The following UTRN variants were observed in gnomAD, a reference collection of about 807,000 sequenced individuals.
The protein encoded by UTRN is dystrophin-related protein 1.
In UTRN, 283 loss-of-function variants were observed where a neutral mutation model predicts 463.9. The observed-to-expected ratio is 0.61, with a 90% CI of 0.55 to 0.67. The LOEUF (loss-of-function observed/expected upper bound fraction) is 0.67, where lower values mean the gene tolerates loss of function less well. Among genes scored for constraint, UTRN ranks in the 30% least tolerant of loss-of-function variants. The pLI is 0.00. For missense variants in UTRN, 3,922 were observed against 4,084.3 expected, an observed-to-expected ratio of 0.96 and a Z score of 1.08; for synonymous variants, 1,442 against 1,431.5, an observed-to-expected ratio of 1.01 and a Z score of -0.17.
At chr6:144,833,713 T>C (rs116900442) in intron 69 of UTRN, among the ~76,000 whole-genome samples, 1,822 of 152,320 alleles carry the variant, frequency 0.012, 18 homozygotes, top group Admixed American at 0.018. Context: ...ATGAACTTGG[T>C]GAGGTGCCTC....
At chr6:144,790,534 T>C (rs1454277797) in intron 62 of UTRN, among the ~76,000 whole-genome samples, 1 of 152,188 alleles carries the variant, frequency 6.6e-6, no homozygotes, top group Non-Finnish European at 1.5e-5. Context: ...TGAAAAGAAA[T>C]GTGGATTTAT....
chr6:144,469,805 A>G (rs941288959), intron 23 of UTRN, among the ~76,000 whole-genome samples: 1 of 151,012 alleles, frequency 6.6e-6, no homozygotes, highest in Non-Finnish European at 1.5e-5. Context: ...GCAGATAAAC[A>G]TGTGAACAAA....
intron 58 of UTRN, among the ~76,000 whole-genome samples, chr6:144,765,115 C>T (rs1375840299): frequency 1.3e-5 from 2 of 152,110 alleles, no homozygotes; most frequent in African/African-American, 2.4e-5. Context: ...CTAGCAGATC[C>T]CCTGGGTTTA....
chr6:144,592,131 G>A (rs1803140976), intron 51 of UTRN, among the ~76,000 whole-genome samples: 1 of 151,910 alleles, frequency 6.6e-6, no homozygotes, highest in South Asian at 2.1e-4. Context: ...CTTTTTTTAT[G>A]TCTTATATTG....
At chr6:144,822,440 C>G (rs1466768854) in intron 66 of UTRN, among the ~76,000 whole-genome samples, 2 of 152,068 alleles carry the variant, frequency 1.3e-5, no homozygotes, top group African/African-American at 4.8e-5. Context: ...GAAAAAATTT[C>G]AACTGTGTGA....
chr6:144,403,039 A>C, intron 2 of UTRN, 84 bp from the exon 3 acceptor site: 1 of 1,261,884 alleles, frequency 7.9e-7, no homozygotes, highest in Non-Finnish European at 1.1e-6. Context: ...TAAACTCTCC[A>C]GGATAGAGAT....
intron 50 of UTRN, among the ~76,000 whole-genome samples, chr6:144,572,155 C>T (rs866346783): frequency 2.0e-4 from 30 of 152,194 alleles, no homozygotes; most frequent in Non-Finnish European, 3.8e-4. Flanking sequence ...TGAAGACAGC[C>T]CATACCTGCT....
At chr6:144,446,443 C>T (rs1787701869) in intron 14 of UTRN, among the ~76,000 whole-genome samples, 1 of 152,080 alleles carries the variant, frequency 6.6e-6, no homozygotes, top group Non-Finnish European at 1.5e-5. Context: ...GAATTGATTC[C>T]GTTGCAAATA....
chr6:144,793,198 G>A (rs934220526), intron 62 of UTRN, among the ~76,000 whole-genome samples: 5 of 152,070 alleles, frequency 3.3e-5, no homozygotes, highest in Non-Finnish European at 5.9e-5. Context: ...ATTGAATTTA[G>A]GAGTGAACAC....
At position 144,533,298 on chromosome 6, in the gene UTRN, A is replaced by G. The variant is rs79785114; in HGVS notation, c.6233+38A>G. The G allele has an allele frequency of 5.1e-3, 8,194 of 1,602,032 alleles. 373 individuals are homozygous for G. The African/African-American group carries it at 0.099, about 19-fold the overall frequency. On this transcript the variant is annotated intron_variant, in intron 43 of 74. Coordinates refer to ENST00000367545, the MANE Select transcript of UTRN (RefSeq NM_007124.3). ...TGATTGTTTGCAGGCACAGGAGTGA[A>G]CATATTTTGGATAGAATCTTTTAAG...
intron 58 of UTRN, among the ~76,000 whole-genome samples, chr6:144,764,320 G>A (rs1562878252): frequency 1.3e-5 from 2 of 152,118 alleles, no homozygotes; most frequent in Admixed American, 6.6e-5. Flanking sequence ...ATGTATTACT[G>A]GTGTCCTAGT....
intron 52 of UTRN, among the ~76,000 whole-genome samples, chr6:144,693,625 TCGTA>T (rs1783665298): frequency 6.6e-6 from 1 of 152,186 alleles, no homozygotes; most frequent in African/African-American, 2.4e-5. Flanking sequence ...TTAGCTATAC[TCGTA>T]AGTAATTTAT....
chr6:144,478,493 G>C (rs140800173), intron 25 of UTRN, among the ~76,000 whole-genome samples: 1 of 152,220 alleles, frequency 6.6e-6, no homozygotes, highest in Non-Finnish European at 1.5e-5. Context: ...GATCAGCCAG[G>C]CTTGGGAATG....
At chr6:144,535,212 C>T (rs1797420229) in intron 43 of UTRN, among the ~76,000 whole-genome samples, 1 of 152,194 alleles carries the variant, frequency 6.6e-6, no homozygotes, top group East Asian at 1.9e-4. Flanking sequence ...TCCTCAGTAG[C>T]TGAGATGACA....
Position 144,531,151 on chromosome 6 carries a change from C to T in UTRN, c.6006C>T (p.Thr2002=), listed in dbSNP as rs746369254. 5 of 1,614,004 alleles carry T rather than the reference C, an allele frequency of 3.1e-6. No individual in the cohort carries two copies. The highest frequency in any genetic ancestry group is 1.6e-4 in the Middle Eastern group (1 of 6,062). Residue 2002 remains threonine, a synonymous_variant, in exon 42 of 75, where the codon ACC becomes ACT. Transcript: ENST00000367545. ...ITEAEELLVD[T]CAPGGSLDLE... ...AGGCTGAAGAATTACTGGTTGATAC[C>T]TGTGCTCCAGGTGGCAGCCTGGACT...
At chr6:144,391,893 G>T (rs7746882) in intron 2 of UTRN, among the ~76,000 whole-genome samples, 16,501 of 152,134 alleles carry the variant, frequency 0.11, 986 homozygotes, top group Admixed American at 0.17. Flanking sequence ...GCCCTCCTTG[G>T]CCTCCCAAAG....
chr6:144,702,705 C>T (rs949355255), intron 53 of UTRN, among the ~76,000 whole-genome samples: 1 of 152,120 alleles, frequency 6.6e-6, no homozygotes, highest in African/African-American at 2.4e-5. Context: ...TTAGCAACCC[C>T]TCTTGAAAGT....
At position 144,820,942 on chromosome 6, in the gene UTRN, AAGAAGT is replaced by A; in HGVS notation, c.9420_9425del (p.Lys3140_Tyr3142delinsAsn). On this transcript the variant is annotated inframe_deletion, in exon 66 of 75. Coordinates refer to ENST00000367545, the MANE Select transcript of UTRN (RefSeq NM_007124.3). ...GGTACTTAAGAACAAGTTCAGGTCG[AAGAAGT>A]ACTTTGCCAAACACCCTCGACTTGG... is the stretch of plus-strand genomic sequence containing the variant. 1 of 1,613,972 alleles carries A rather than the reference AAGAAGT, an allele frequency of 6.2e-7. No individual in the cohort carries two copies. The highest frequency in any genetic ancestry group is 1.1e-5 in the South Asian group (1 of 91,076).
At chr6:144,726,944 A>G (rs569689100) in intron 53 of UTRN, among the ~76,000 whole-genome samples, 4 of 152,308 alleles carry the variant, frequency 2.6e-5, no homozygotes, top group Admixed American at 1.3e-4. Flanking sequence ...TTCCATTTCA[A>G]TTTTTGAAAT....
Sources: gnomAD v4.1 joint callset for allele counts (sites outside exome capture counted in the v4.1 genomes callset) on GRCh38, gnomAD v4.1.1 for gene constraint, MANE v1.5 for transcripts, NCBI Gene and HGNC (gene_info 2026-07-23, HGNC 2026-07-21) for gene names.